AP3B1: variants seen among roughly 807,000 people sequenced by gnomAD.
AP3B1 encodes adaptor related protein complex 3 subunit beta 1.
AP3B1 carries 61 observed loss-of-function variants against 132.5 expected under a neutral mutation model. The ratio of observed to expected loss-of-function variants is 0.46; its 90% CI spans 0.37 to 0.57. The LOEUF (loss-of-function observed/expected upper bound fraction) is 0.57. Ranked by LOEUF, AP3B1 falls within the 20% of genes least tolerant of loss-of-function variation. AP3B1 has a pLI of 0.00. For missense variants in AP3B1, 1,120 were observed against 1,289.4 expected (o/e 0.87, Z 2.01); for synonymous variants, 388 against 438.3 (o/e 0.89, Z 1.43).
chr5:78,115,271 G>C (rs1580363531), intron 18 of AP3B1, among the ~76,000 whole-genome samples: 1 of 152,144 alleles, frequency 6.6e-6, no homozygotes, highest in Non-Finnish European at 1.5e-5. Flanking sequence ...AAGGAAGACA[G>C]AGAAAAGAAG....
chr5:78,243,148 G>A (rs374470442), intron 2 of AP3B1, among the ~76,000 whole-genome samples: 1 of 152,094 alleles, frequency 6.6e-6, no homozygotes, highest in East Asian at 1.9e-4. Context: ...GAAACCTGCT[G>A]AGCACTATGG....
At chr5:78,056,246 A>C (rs1748809956) in intron 22 of AP3B1, among the ~76,000 whole-genome samples, 1 of 152,220 alleles carries the variant, frequency 6.6e-6, no homozygotes, top group Admixed American at 6.5e-5. Flanking sequence ...CACATATTAA[A>C]TGGTGAGACC....
intron 23 of AP3B1, among the ~76,000 whole-genome samples, chr5:78,037,476 C>G (rs1747856904): frequency 6.6e-6 from 1 of 152,132 alleles, no homozygotes; most frequent in Non-Finnish European, 1.5e-5. Context: ...TTGAAATCAG[C>G]TTACTTTAAC....
intron 22 of AP3B1, among the ~76,000 whole-genome samples, chr5:78,056,001 T>C (rs1748797356): frequency 6.6e-6 from 1 of 152,150 alleles, no homozygotes; most frequent in African/African-American, 2.4e-5. Context: ...TACACTTCTT[T>C]ACTTCCTCAG....
At chr5:78,061,709 T>C (rs1749066497) in intron 22 of AP3B1, among the ~76,000 whole-genome samples, 1 of 152,222 alleles carries the variant, frequency 6.6e-6, no homozygotes, top group Non-Finnish European at 1.5e-5. Flanking sequence ...CTGCATATTA[T>C]CACCCATTGA....
At chr5:78,191,846 G>T (rs1299343397) in intron 7 of AP3B1, among the ~76,000 whole-genome samples, 1 of 152,144 alleles carries the variant, frequency 6.6e-6, no homozygotes, top group Non-Finnish European at 1.5e-5. Context: ...ATACATAGGT[G>T]TATTCAGTTT....
chr5:78,158,687 T>G (rs1358906166), intron 13 of AP3B1, among the ~76,000 whole-genome samples: 2 of 151,962 alleles, frequency 1.3e-5, no homozygotes, highest in African/African-American at 4.8e-5. Flanking sequence ...TATGTTACGA[T>G]AGGCAGGTAT....
intron 22 of AP3B1, among the ~76,000 whole-genome samples, chr5:78,076,549 T>G (rs1217056973): frequency 6.6e-6 from 1 of 152,196 alleles, no homozygotes; most frequent in Non-Finnish European, 1.5e-5. Flanking sequence ...GTCCCTCAGA[T>G]AGCTTATGCT....
chr5:78,031,708 C>G (rs1477947671), intron 24 of AP3B1, among the ~76,000 whole-genome samples: 2 of 152,140 alleles, frequency 1.3e-5, no homozygotes, highest in African/African-American at 4.8e-5. Context: ...GGTAGTTTTC[C>G]CCCACGAGTG....
At chr5:78,233,289 A>G (rs909619965) in intron 3 of AP3B1, among the ~76,000 whole-genome samples, 2 of 148,058 alleles carry the variant, frequency 1.4e-5, no homozygotes, top group Admixed American at 1.4e-4. Context: ...GCTGGAGTGC[A>G]ATGGCATGAT....
chr5:78,290,629 GAAAAT>G (rs1347123677), intron 1 of AP3B1, among the ~76,000 whole-genome samples: 2 of 151,956 alleles, frequency 1.3e-5, no homozygotes, highest in Non-Finnish European at 2.9e-5. Flanking sequence ...GAAAAAAACA[GAAAAT>G]AAAAGTTGAG....
chr5:78,224,853 C>G (rs536303947), intron 6 of AP3B1, among the ~76,000 whole-genome samples: 1 of 152,104 alleles, frequency 6.6e-6, no homozygotes, highest in Admixed American at 6.6e-5. Context: ...GAAGCAAACA[C>G]TAACAGAATT....
intron 19 of AP3B1, among the ~76,000 whole-genome samples, chr5:78,113,451 C>T (rs569874781): frequency 6.6e-6 from 1 of 152,126 alleles, no homozygotes; most frequent in Non-Finnish European, 1.5e-5. Flanking sequence ...TCAGCAAAAT[C>T]GCTACAAAAG....
At chr5:78,054,059 G>A (rs763721777) in intron 22 of AP3B1, among the ~76,000 whole-genome samples, 57 of 152,176 alleles carry the variant, frequency 3.7e-4, no homozygotes, top group Non-Finnish European at 5.3e-4. Context: ...GGGGACACTA[G>A]CACCTATCTT....
chr5:78,031,685 T>C (rs184276229), intron 24 of AP3B1, among the ~76,000 whole-genome samples: 255 of 152,334 alleles, frequency 1.7e-3, no homozygotes, highest in Non-Finnish European at 2.6e-3. Flanking sequence ...GCCAGATTGG[T>C]TCTTACCATT....
chr5:78,287,302 G>T (rs1225004528), intron 1 of AP3B1, among the ~76,000 whole-genome samples: 2 of 152,044 alleles, frequency 1.3e-5, no homozygotes, highest in Non-Finnish European at 2.9e-5. Context: ...TGTCAAGAAA[G>T]AATATTTTCT....
chr5:78,122,260 G>C (rs1752243140), intron 17 of AP3B1, among the ~76,000 whole-genome samples: 1 of 152,188 alleles, frequency 6.6e-6, no homozygotes, highest in South Asian at 2.1e-4. Flanking sequence ...GGCAAAAACT[G>C]GAAGCATTCC....
intron 14 of AP3B1, among the ~76,000 whole-genome samples, chr5:78,152,244 G>A (rs1178056378): frequency 6.6e-6 from 1 of 151,150 alleles, no homozygotes; most frequent in Non-Finnish European, 1.5e-5. Context: ...AATAGTTTCA[G>A]TAGACTTGGT....
chr5:78,290,283 C>T (rs554759126), intron 1 of AP3B1, among the ~76,000 whole-genome samples: 67 of 152,240 alleles, frequency 4.4e-4, no homozygotes, highest in Admixed American at 7.8e-4. Flanking sequence ...GACAAGGTCT[C>T]ACTATGTTGC....
Sources: allele counts gnomAD v4.1 joint callset (sites outside exome capture counted in the v4.1 genomes callset), GRCh38; gene constraint gnomAD v4.1.1; transcripts MANE v1.5; gene names NCBI Gene and HGNC (gene_info 2026-07-23, HGNC 2026-07-21).